Variants in EPHA7 observed in about 807,000 individuals in gnomAD.
The protein encoded by EPHA7 is ephrin type-A receptor 7.
Under a neutral mutation model 112.6 loss-of-function variants are expected in EPHA7, and 25 were observed. The ratio of observed to expected loss-of-function variants is 0.22; its 90% CI spans 0.16 to 0.31. EPHA7 has a LOEUF of 0.31. EPHA7 is among the 10% of genes least tolerant of loss of function. The pLI is 1.00. For missense variants in EPHA7, 962 were observed against 1,212.6 expected, an observed-to-expected ratio of 0.79 and a Z score of 3.07; for synonymous variants, 437 against 406.5, an observed-to-expected ratio of 1.07 and a Z score of -0.90.
chr6:93,303,368 G>A (rs942961144), intron 5 of EPHA7, among the ~76,000 whole-genome samples: 24 of 152,004 alleles, frequency 1.6e-4, no homozygotes, highest in African/African-American at 4.1e-4. Flanking sequence ...TTTCAGTCTC[G>A]TTCCAGAAGA....
intron 5 of EPHA7, among the ~76,000 whole-genome samples, chr6:93,295,400 G>T (rs1273555805): frequency 1.3e-5 from 2 of 151,588 alleles, no homozygotes; most frequent in Non-Finnish European, 3.0e-5. Context: ...GTATTTAGTA[G>T]ACATTCTTTT....
Position 93,258,302 on chromosome 6 carries a change from G to A in EPHA7, c.1925-18C>T, listed in dbSNP as rs201787895. The A allele has an allele frequency of 9.7e-5, 148 of 1,527,652 alleles. 2 individuals carry two copies. The highest frequency in any genetic ancestry group is 3.5e-4 in the Middle Eastern group (2 of 5,714). The allele number at this position is 1,527,652 out of a possible 1,614,324, so 94.6% of individuals were successfully genotyped here. On this transcript the variant is annotated intron_variant, in intron 10 of 16. Coordinates refer to ENST00000369303, the MANE Select transcript of EPHA7 (RefSeq NM_004440.4). ...GAATTCTCCTGAAGTAACAGAACAA[G>A]CAGGCATATTTTAGTTTCTAAATAT... is the stretch of plus-strand genomic sequence containing the variant.
At chr6:93,384,469 C>A (rs1451644394) in intron 3 of EPHA7, among the ~76,000 whole-genome samples, 10 of 152,106 alleles carry the variant, frequency 6.6e-5, no homozygotes, top group South Asian at 2.1e-4. Context: ...AGTACAAATT[C>A]TTTGGTACAA....
intron 5 of EPHA7, among the ~76,000 whole-genome samples, chr6:93,335,723 C>T (rs1172807839): frequency 2.0e-5 from 3 of 152,058 alleles, no homozygotes; most frequent in South Asian, 2.1e-4. Flanking sequence ...ATGGAAACTA[C>T]ACTCTTTGAA....
intron 5 of EPHA7, among the ~76,000 whole-genome samples, chr6:93,340,738 T>C (rs946909352): frequency 1.3e-5 from 2 of 151,994 alleles, no homozygotes; most frequent in Admixed American, 6.6e-5. Context: ...AAAAGTTCCA[T>C]GTGATTTTTA....
At chr6:93,289,199 T>C (rs1444148203) in intron 5 of EPHA7, among the ~76,000 whole-genome samples, 2 of 152,168 alleles carry the variant, frequency 1.3e-5, no homozygotes, top group African/African-American at 4.8e-5. Context: ...TATTTTTAAC[T>C]AGTGCTTGCA....
At chr6:93,367,480 T>C (rs1776573224) in intron 3 of EPHA7, among the ~76,000 whole-genome samples, 1 of 152,132 alleles carries the variant, frequency 6.6e-6, no homozygotes, top group African/African-American at 2.4e-5. Context: ...TGTTACATAA[T>C]TTTAACACAT....
In EPHA7 at chr6:93,414,711, G is replaced by T; in HGVS notation, c.154C>A (p.Pro52Thr). The T allele has an allele frequency of 9.9e-6, 16 of 1,611,596 alleles. No individual in the cohort carries two copies. Among genetic ancestry groups the T allele is most frequent in the Non-Finnish European group, 1.4e-5 (16 of 1,178,230 alleles). ...QTELEWISSP[P>T]NGWEEISGLD... is the part of the protein sequence containing the mutation. ...TGATGAAAAAAACTTACCCCATTGG[G>T]TGGAGAGGAAATCCACTCCAACTCT... Residue 52 changes from proline to threonine, a missense_variant, in exon 2 of 17, where the codon CCC (proline) becomes ACC (threonine). Pro to Thr is a conservative substitution (Grantham distance 38). This residue lies in a region of EPHA7 where 56 missense variants were observed against 59.9 expected (regional missense o/e 0.94). Transcript: ENST00000369303.
At chr6:93,337,449 T>C (rs1320356283) in intron 5 of EPHA7, among the ~76,000 whole-genome samples, 2 of 152,176 alleles carry the variant, frequency 1.3e-5, no homozygotes, top group Admixed American at 1.3e-4. Flanking sequence ...AAAGTACTTG[T>C]ATAAACATAA....
chr6:93,417,568 G>C (rs1023290296), intron 1 of EPHA7, among the ~76,000 whole-genome samples: 1 of 152,220 alleles, frequency 6.6e-6, no homozygotes, highest in Non-Finnish European at 1.5e-5. Context: ...TCTCCCCCTA[G>C]TGATGCAGTT....
Position 93,411,133 on chromosome 6 carries a change from G to A in EPHA7, c.200C>T (p.Pro67Leu), listed in dbSNP as rs889062730. ...TTGGCACACCTGGTATGTTCGTATC[G>A]GGGTATAGTTCTCATCCAAACCACT... ...EISGLDENYT[P>L]IRTYQVCQVM... is the part of the protein sequence containing the mutation. Residue 67 changes from proline to leucine, a missense_variant, in exon 3 of 17, where the codon CCG (proline) becomes CTG (leucine). Physicochemically the swap from Pro to Leu is moderately conservative, Grantham distance 98. Transcript: ENST00000369303. The A allele has an allele frequency of 3.1e-6, 5 of 1,613,534 alleles. No homozygotes were observed. Among genetic ancestry groups the A allele is most frequent in the African/African-American group, 2.7e-5 (2 of 74,856 alleles).
chr6:93,245,208 T>C, intron 16 of EPHA7, 90 bp downstream of exon 16: 2 of 1,236,218 alleles, frequency 1.6e-6, no homozygotes, highest in East Asian at 2.5e-5. Context: ...GGGATTCAAA[T>C]TCTTTTAATA....
At chr6:93,384,418 C>A (rs1256453938) in intron 3 of EPHA7, among the ~76,000 whole-genome samples, 1 of 152,154 alleles carries the variant, frequency 6.6e-6, no homozygotes, top group Non-Finnish European at 1.5e-5. Context: ...ATTATGCCCT[C>A]CTTAAGAATT....
At chr6:93,362,660 A>G (rs1461724860) in intron 3 of EPHA7, among the ~76,000 whole-genome samples, 2 of 152,288 alleles carry the variant, frequency 1.3e-5, no homozygotes, top group Non-Finnish European at 2.9e-5. Flanking sequence ...CACTGAGACT[A>G]TACTTGCATT....
At chr6:93,355,222 C>A (rs1329418351) in intron 5 of EPHA7, among the ~76,000 whole-genome samples, 1 of 152,036 alleles carries the variant, frequency 6.6e-6, no homozygotes, top group Admixed American at 6.6e-5. Context: ...ATTTACATTT[C>A]TATGTTTTAC....
chr6:93,243,288 G>A lies in EPHA7; in HGVS notation c.*138C>T. 1 of 567,944 alleles carries A rather than the reference G, an allele frequency of 1.8e-6. No homozygotes were observed. Among genetic ancestry groups the A allele is most frequent in the Non-Finnish European group, 3.1e-6 (1 of 325,990 alleles). The allele number at this position is 567,944 out of a possible 1,614,324, so 35.2% of individuals were successfully genotyped here. A position where few individuals can be genotyped will look rare whatever the true frequency, so the allele number is the denominator to read the frequency against. ...TGGCACTTAGGAGTTCAAGTCTATA[G>A]GTGCTTCTTAAATCTTCTCTTCACT... On this transcript the variant is annotated 3_prime_UTR_variant, in exon 17 of 17. Coordinates refer to ENST00000369303, the MANE Select transcript of EPHA7 (RefSeq NM_004440.4).
In EPHA7 at chr6:93,414,703, C is replaced by T; in HGVS notation, c.162G>A (p.Gly54=). 2.5e-6 allele frequency: 4 copies of T among 1,610,792 alleles called. No individual in the cohort carries two copies. Among genetic ancestry groups the T allele is most frequent in the Non-Finnish European group, 3.4e-6 (4 of 1,177,848 alleles). ...ATATTTTATGATGAAAAAAACTTACCCCATTGGGTGGAGAGGAAATCCACT... is the reference window on the plus strand; with the variant it reads ...ATATTTTATGATGAAAAAAACTTACTCCATTGGGTGGAGAGGAAATCCACT... ...ELEWISSPPN[G]WEEISGLDEN... is the part of the protein sequence containing the mutation. Residue 54 remains glycine (G), a splice_region_variant and synonymous_variant, in exon 2 of 17, where the codon GGG becomes GGA. Coordinates refer to ENST00000369303, the MANE Select transcript of EPHA7 (RefSeq NM_004440.4).
intron 3 of EPHA7, among the ~76,000 whole-genome samples, chr6:93,380,746 G>A (rs2127970586): frequency 6.6e-6 from 1 of 152,214 alleles, no homozygotes; most frequent in African/African-American, 2.4e-5. Context: ...GGAATTTGAG[G>A]ACAAATGTTT....
At chr6:93,395,194 C>T (rs1778106345) in intron 3 of EPHA7, among the ~76,000 whole-genome samples, 1 of 151,740 alleles carries the variant, frequency 6.6e-6, no homozygotes, top group South Asian at 2.1e-4. Flanking sequence ...AGATTTTAGA[C>T]AATGCTTTAA....
Sources: allele counts gnomAD v4.1 joint callset (sites outside exome capture counted in the v4.1 genomes callset), GRCh38; gene constraint gnomAD v4.1.1; regional missense constraint gnomAD v4.1.1; transcripts MANE v1.5; gene names NCBI Gene and HGNC (gene_info 2026-07-23, HGNC 2026-07-21).